STUM: variants seen among roughly 807,000 people sequenced by gnomAD.
STUM encodes stum, mechanosensory transduction mediator homolog.
In STUM, 8 loss-of-function variants were observed where a neutral mutation model predicts 15.3. That is an observed-to-expected ratio of 0.52 (90% CI 0.31 to 0.94). The LOEUF is 0.94. STUM is among the 40% of genes least tolerant of loss of function. The pLI is 0.05. For synonymous variants in STUM, 78 were observed against 88.7 expected (o/e 0.88, Z 0.68); for missense variants, 142 against 204.9 (o/e 0.69, Z 1.87).
chr1:226,571,336 G>T (rs779260255), intron 1 of STUM, among the ~76,000 whole-genome samples: 1 of 152,158 alleles, frequency 6.6e-6, no homozygotes, highest in African/African-American at 2.4e-5. Context: ...ATCCAGTGGA[G>T]GGTCTAGGAA....
Position 226,602,174 on chromosome 1 carries a change from ATAT to A in STUM, c.*139_*141del, listed in dbSNP as rs1053268913. On this transcript the variant is annotated 3_prime_UTR_variant, in exon 4 of 4. Coordinates refer to ENST00000366788, the MANE Select transcript of STUM (RefSeq NM_001003665.4). Reference sequence around the variant, plus strand: ...GGGTGGAAAGGGGGTATTTTTAAAAATATTATTTATTTTGAAAACGCATCTGCT... The same window carrying A: ...GGGTGGAAAGGGGGTATTTTTAAAAATATTTATTTTGAAAACGCATCTGCT... 1 of 663,176 alleles carries A rather than the reference ATAT, an allele frequency of 1.5e-6. No homozygotes were observed. The highest frequency in any genetic ancestry group is 1.8e-5 in the African/African-American group (1 of 54,812). The allele number at this position is 663,176 out of a possible 1,614,324, so 41.1% of individuals were successfully genotyped here. A position where few individuals can be genotyped will look rare whatever the true frequency, so the allele number is the denominator to read the frequency against.
At chr1:226,572,092 A>G (rs1272897282) in intron 1 of STUM, among the ~76,000 whole-genome samples, 1 of 152,234 alleles carries the variant, frequency 6.6e-6, no homozygotes, top group Non-Finnish European at 1.5e-5. Context: ...TCGAACAAGC[A>G]CAGCCAATAA....
At chr1:226,590,253 C>T (rs1345708876) in intron 1 of STUM, among the ~76,000 whole-genome samples, 1 of 152,178 alleles carries the variant, frequency 6.6e-6, no homozygotes, top group Non-Finnish European at 1.5e-5. Flanking sequence ...CACCCACACC[C>T]TGGAATCCAC....
intron 1 of STUM, among the ~76,000 whole-genome samples, chr1:226,568,368 A>T (rs1037791543): frequency 2.6e-5 from 4 of 152,162 alleles, no homozygotes; most frequent in African/African-American, 7.2e-5. Context: ...AGGGCCTATC[A>T]GCACTGCTCC....
intron 1 of STUM, among the ~76,000 whole-genome samples, chr1:226,566,510 A>C (rs1346024678): frequency 6.6e-6 from 1 of 152,232 alleles, no homozygotes; most frequent in African/African-American, 2.4e-5. Flanking sequence ...GGAAGGTAAT[A>C]ATATCAGTGA....
intron 1 of STUM, among the ~76,000 whole-genome samples, chr1:226,583,493 T>C (rs1667949879): frequency 6.6e-6 from 1 of 152,224 alleles, no homozygotes; most frequent in Admixed American, 6.5e-5. Context: ...GAAGGTACTT[T>C]TTGCTAGACA....
Position 226,602,159 on chromosome 1 carries a change from G to C in STUM, c.*119G>C, listed in dbSNP as rs374374742. The C allele has an allele frequency of 1.4e-6, 1 of 709,608 alleles. No individual in the cohort carries two copies. The highest frequency in any genetic ancestry group is 1.7e-5 in the South Asian group (1 of 59,580). 44.0% of individuals were successfully genotyped at this position (709,608 alleles called of 1,614,324 possible). A position where few individuals can be genotyped will look rare whatever the true frequency, so the allele number is the denominator to read the frequency against. On this transcript the variant is annotated 3_prime_UTR_variant, in exon 4 of 4. Coordinates refer to ENST00000366788, the MANE Select transcript of STUM (RefSeq NM_001003665.4). Reference sequence around the variant, plus strand: ...CATTTTCTGGACTGGGGGTGGAAAGGGGGTATTTTTAAAAATATTATTTAT... The same window carrying C: ...CATTTTCTGGACTGGGGGTGGAAAGCGGGTATTTTTAAAAATATTATTTAT...
chr1:226,565,621 G>A lies in STUM; in HGVS notation c.202+16515G>A, dbSNP rs1667608943. Among the ~76,000 whole-genome samples, 1 of 152,212 alleles carries A rather than the reference G, an allele frequency of 6.6e-6. No individual in the cohort carries two copies. Among genetic ancestry groups the A allele is most frequent in the Non-Finnish European group, 1.5e-5 (1 of 68,032 alleles). On this transcript the variant is annotated intron_variant, in intron 1 of 3. Coordinates refer to ENST00000366788, the MANE Select transcript of STUM (RefSeq NM_001003665.4). This position sits in a 1 kb window ranked among gnomAD's most constrained non-coding sequence, Gnocchi z 4.4. ...TTGCAAATGGCTCTGGTGCTCAGGA[G>A]ATGCCTCAGCTGGGGGAGGGGTGGA... is the stretch of plus-strand genomic sequence containing the variant.
chr1:226,582,268 C>T (rs745345816), intron 1 of STUM, among the ~76,000 whole-genome samples: 6 of 152,230 alleles, frequency 3.9e-5, no homozygotes, highest in Non-Finnish European at 7.3e-5. Flanking sequence ...AAGTAGGTTT[C>T]TCAAATCCAT....
chr1:226,578,969 A>G (rs1196932557), intron 1 of STUM, among the ~76,000 whole-genome samples: 2 of 152,244 alleles, frequency 1.3e-5, no homozygotes, highest in Non-Finnish European at 2.9e-5. Context: ...CTAAAAGTTC[A>G]TAATGACAAG....
chr1:226,563,533 C>A (rs564024060), intron 1 of STUM, among the ~76,000 whole-genome samples: 16 of 152,376 alleles, frequency 1.1e-4, no homozygotes, highest in Admixed American at 7.2e-4. Context: ...TCATTGTGCA[C>A]ACCCAATTCC....
chr1:226,580,302 G>T (rs1213267629), intron 1 of STUM, among the ~76,000 whole-genome samples: 3 of 152,186 alleles, frequency 2.0e-5, no homozygotes, highest in Non-Finnish European at 4.4e-5. Context: ...TTTTGAGAGG[G>T]TTTTGAAATA....
Position 226,549,453 on chromosome 1 carries a change from C to T in STUM, c.202+347C>T, listed in dbSNP as rs1177373379. 6.6e-6 allele frequency among the ~76,000 whole-genome samples: 1 copy of T among 152,148 alleles called. No individual in the cohort carries two copies. On this transcript the variant is annotated intron_variant, in intron 1 of 3. Transcript: ENST00000366788. The surrounding 1 kb of genome is among the most constrained non-coding windows in gnomAD (Gnocchi z 6.8). ...CCCGATTTCTGCTCCTTCTCTCCGT[C>T]GTGTGCATCCGTCCGCGAGCCCACT...
rs1045420926 is a variant in STUM at position 226,549,876 on chromosome 1, C to T, written c.202+770C>T. Among the ~76,000 whole-genome samples the T allele has an allele frequency of 1.2e-4, 19 of 152,156 alleles. No homozygotes were observed. The highest frequency in any genetic ancestry group is 2.5e-4 in the Non-Finnish European group (17 of 68,028). ...GGGTTCTGGTGGCATCTATGTCCCA[C>T]GTTTTAAAGCAGAGGCCCCTTACAG... On this transcript the variant is annotated intron_variant, in intron 1 of 3. Coordinates refer to ENST00000366788, the MANE Select transcript of STUM (RefSeq NM_001003665.4). The surrounding 1 kb of genome is among the most constrained non-coding windows in gnomAD (Gnocchi z 6.8).
In STUM at chr1:226,576,455, G is replaced by A. The variant is rs867549329; in HGVS notation, c.203-20347G>A. Among the ~76,000 whole-genome samples, 5 of 152,192 alleles carry A rather than the reference G, an allele frequency of 3.3e-5. No homozygotes were observed. In the South Asian group the frequency reaches 8.3e-4, roughly 25 times the overall value. ...GAGAGATTACATGATTGAGGCTCCT[G>A]AGTGGCTGCTGTGTGGAGTGTATGT... On this transcript the variant is annotated intron_variant, in intron 1 of 3. Transcript: ENST00000366788.
At chr1:226,586,980 G>C (rs1668008989) in intron 1 of STUM, among the ~76,000 whole-genome samples, 1 of 152,160 alleles carries the variant, frequency 6.6e-6, no homozygotes, top group Non-Finnish European at 1.5e-5. Context: ...CCTAGACTCT[G>C]TCATGGCAGG....
chr1:226,562,304 A>C (rs929666773), intron 1 of STUM, among the ~76,000 whole-genome samples: 1 of 151,986 alleles, frequency 6.6e-6, no homozygotes, highest in Non-Finnish European at 1.5e-5. Flanking sequence ...CCCCGTCTCT[A>C]CTAAAAATAC....
intron 1 of STUM, among the ~76,000 whole-genome samples, chr1:226,581,455 A>G (rs1191543396): frequency 3.3e-5 from 5 of 152,246 alleles, no homozygotes; most frequent in Non-Finnish European, 7.3e-5. Flanking sequence ...GTCCAAGAGT[A>G]TTGTGCCAGC....
rs1667868907 is a variant in STUM at position 226,578,985 on chromosome 1, A to G, written c.203-17817A>G. 2.0e-5 allele frequency among the ~76,000 whole-genome samples: 3 copies of G among 152,324 alleles called. No individual in the cohort carries two copies. In the South Asian group the frequency reaches 6.2e-4, roughly 32 times the overall value. Reference sequence around the variant, plus strand: ...TAAAAGTTCATAATGACAAGAAGTGAGTGCTGCGGCTGGAATTTCCTTTTC... The same window carrying G: ...TAAAAGTTCATAATGACAAGAAGTGGGTGCTGCGGCTGGAATTTCCTTTTC... On this transcript the variant is annotated intron_variant, in intron 1 of 3. Transcript: ENST00000366788.
Sources: allele counts gnomAD v4.1 joint callset (sites outside exome capture counted in the v4.1 genomes callset), GRCh38; gene constraint gnomAD v4.1.1; non-coding constraint Gnocchi (gnomAD v3.1); transcripts MANE v1.5; gene names NCBI Gene and HGNC (gene_info 2026-07-23, HGNC 2026-07-21).